The following NEK10 variants were observed in gnomAD, a reference collection of about 807,000 sequenced individuals.
The protein encoded by NEK10 is serine/threonine-protein kinase Nek10.
Under a neutral mutation model 159.8 loss-of-function variants are expected in NEK10, and 122 were observed. That is an observed-to-expected ratio of 0.76 (90% CI 0.66 to 0.89). The LOEUF is 0.89. Ranked by LOEUF, NEK10 falls within the 40% of genes least tolerant of loss-of-function variation. NEK10 has a pLI of 0.00. For synonymous variants in NEK10, 466 were observed against 457.1 expected, an observed-to-expected ratio of 1.02 and a Z score of -0.25; for missense variants, 1,342 against 1,323.1, an observed-to-expected ratio of 1.01 and a Z score of -0.22.
chr3:27,267,633 A>G (rs1278340909), intron 22 of NEK10, among the ~76,000 whole-genome samples: 1 of 152,156 alleles, frequency 6.6e-6, no homozygotes, highest in Admixed American at 6.5e-5. Flanking sequence ...GGCAAACTTA[A>G]TTGCTAAACA....
intron 23 of NEK10, among the ~76,000 whole-genome samples, chr3:27,235,262 A>C (rs566994955): frequency 1.5e-3 from 232 of 152,300 alleles, no homozygotes; most frequent in Non-Finnish European, 2.7e-3. Flanking sequence ...AAAATTGACA[A>C]ATCAAATCTA....
chr3:27,267,758 A>G (rs1314195547), intron 22 of NEK10, among the ~76,000 whole-genome samples: 1 of 152,236 alleles, frequency 6.6e-6, no homozygotes, highest in African/African-American at 2.4e-5. Context: ...TAATAACCAT[A>G]CATTGGCCTC....
chr3:27,141,415 T>A, intron 31 of NEK10, 67 bp downstream of exon 31: 1 of 1,191,286 alleles, frequency 8.4e-7, no homozygotes, highest in Non-Finnish European at 1.2e-6. Context: ...CCAAAATAGT[T>A]CTTCAGCAAT....
At chr3:27,134,242 A>ATGTAT (rs1320600014) in intron 31 of NEK10, among the ~76,000 whole-genome samples, 1 of 152,238 alleles carries the variant, frequency 6.6e-6, no homozygotes, top group Non-Finnish European at 1.5e-5. Context: ...GAGCATGTGC[A>ATGTAT]TGTATATTCC....
chr3:27,136,205 C>T (rs1943189808), intron 31 of NEK10, among the ~76,000 whole-genome samples: 1 of 149,474 alleles, frequency 6.7e-6, no homozygotes, highest in African/African-American at 2.5e-5. Context: ...CTCCACCTCC[C>T]AGGTTCACGC....
chr3:27,327,769 AGTT>A (rs2046112239), intron 5 of NEK10, among the ~76,000 whole-genome samples: 1 of 152,160 alleles, frequency 6.6e-6, no homozygotes, highest in Non-Finnish European at 1.5e-5. Context: ...ATGTTGTAGT[AGTT>A]TTCATTAACC....
intron 22 of NEK10, among the ~76,000 whole-genome samples, chr3:27,270,742 T>C (rs1159024253): frequency 3.3e-5 from 5 of 152,132 alleles, no homozygotes; most frequent in African/African-American, 4.8e-5. Context: ...GTCCATTTAC[T>C]CATTTGTCAC....
At chr3:27,338,052 A>T (rs900433751) in intron 5 of NEK10, among the ~76,000 whole-genome samples, 1 of 151,332 alleles carries the variant, frequency 6.6e-6, no homozygotes, top group Non-Finnish European at 1.5e-5. Flanking sequence ...CCATCAACTC[A>T]TCATTTACAT....
In NEK10 at chr3:27,290,623, T is replaced by A. The variant is rs1476648029; in HGVS notation, c.1737A>T (p.Lys579Asn). 1 of 1,587,204 alleles carries A rather than the reference T, an allele frequency of 6.3e-7. No homozygotes were observed. Among genetic ancestry groups the A allele is most frequent in the Non-Finnish European group, 8.6e-7 (1 of 1,169,270 alleles). Reference sequence around the variant, plus strand: ...AAACAAGGAAAACATTTACCTGCTCTTTAATTATTGTTAATTCAGAAACAA... The same window carrying A: ...AAACAAGGAAAACATTTACCTGCTCATTAATTATTGTTAATTCAGAAACAA... Reference protein sequence around the residue: ...RNIVSELTIIKEQLYHPNIVR... With the variant: ...RNIVSELTIINEQLYHPNIVR... Residue 579 changes from lysine (K) to asparagine (N), a missense_variant, in exon 19 of 36, where the codon AAA (lysine) becomes AAT (asparagine). By Grantham distance (94) the Lys-to-Asn change is moderately conservative. Transcript: ENST00000691995.
intron 22 of NEK10, among the ~76,000 whole-genome samples, chr3:27,278,207 C>T (rs1356001686): frequency 1.3e-5 from 2 of 152,196 alleles, no homozygotes; most frequent in African/African-American, 2.4e-5. Flanking sequence ...CTGTTTTAAG[C>T]TGTTGAGAAT....
chr3:27,113,533 A>AATTTAATG (rs1438541664), intron 35 of NEK10, among the ~76,000 whole-genome samples: 21 of 152,088 alleles, frequency 1.4e-4, no homozygotes, highest in Admixed American at 1.4e-3. Flanking sequence ...ACTTTAAGAA[A>AATTTAATG]ATTTAATGCA....
chr3:27,338,103 A>G (rs1014995365), intron 5 of NEK10, among the ~76,000 whole-genome samples: 2 of 152,128 alleles, frequency 1.3e-5, no homozygotes, highest in African/African-American at 2.4e-5. Flanking sequence ...CAGCCCCCCA[A>G]CAGGCTCCGG....
At chr3:27,134,936 C>T (rs188328322) in intron 31 of NEK10, among the ~76,000 whole-genome samples, 178 of 152,242 alleles carry the variant, frequency 1.2e-3, no homozygotes, top group Non-Finnish European at 2.0e-3. Context: ...CTCATTTATG[C>T]GCAGTCTCAC....
chr3:27,211,396 G>A (rs1265908960), intron 23 of NEK10, among the ~76,000 whole-genome samples: 2 of 152,114 alleles, frequency 1.3e-5, no homozygotes, highest in African/African-American at 2.4e-5. Context: ...AGTGAAGAAC[G>A]GACTGTCATA....
chr3:27,122,185 C>T (rs746080870), intron 32 of NEK10, among the ~76,000 whole-genome samples: 5 of 151,986 alleles, frequency 3.3e-5, no homozygotes, highest in Non-Finnish European at 7.4e-5. Context: ...TGAGATCTCA[C>T]GAGATCTGAT....
rs201945349 is a variant in NEK10, at chr3:27,111,016, G to T, written c.*256C>A. On this transcript the variant is annotated 3_prime_UTR_variant, in exon 36 of 36. Transcript: ENST00000691995. ...CACCCTCCAAAAGATGAATTTTGCA[G>T]CATTTTCTCCCAGCAGCACACTGGT... 2 of 331,232 alleles carry T rather than the reference G, an allele frequency of 6.0e-6. No individual in the cohort carries two copies. The highest frequency in any genetic ancestry group is 1.1e-5 in the Non-Finnish European group (2 of 183,620). The allele number at this position is 331,232 out of a possible 1,614,324, so 20.5% of individuals were successfully genotyped here. A position where few individuals can be genotyped will look rare whatever the true frequency, so the allele number is the denominator to read the frequency against.
chr3:27,278,986 C>A, intron 22 of NEK10: 5 of 876,348 alleles, frequency 5.7e-6, no homozygotes, highest in Non-Finnish European at 5.5e-6. Flanking sequence ...GAACATGTGT[C>A]ATGGCACATG....
At chr3:27,342,223 C>T (rs1313710371) in intron 5 of NEK10, among the ~76,000 whole-genome samples, 1 of 151,994 alleles carries the variant, frequency 6.6e-6, no homozygotes, top group East Asian at 1.9e-4. Context: ...CAACCCAACA[C>T]TAAATCTCAT....
intron 23 of NEK10, among the ~76,000 whole-genome samples, chr3:27,218,376 G>A (rs926044489): frequency 1.3e-5 from 2 of 152,118 alleles, no homozygotes; most frequent in Non-Finnish European, 2.9e-5. Context: ...GGAGACCAAG[G>A]CGGGCGGATC....
Sources: gnomAD v4.1 joint callset for allele counts (sites outside exome capture counted in the v4.1 genomes callset) on GRCh38, gnomAD v4.1.1 for gene constraint, MANE v1.5 for transcripts, NCBI Gene and HGNC (gene_info 2026-07-23, HGNC 2026-07-21) for gene names.